MAST4: variants seen among roughly 807,000 people sequenced by gnomAD.
The protein encoded by MAST4 is microtubule associated serine/threonine kinase family member 4, also known as microtubule-associated serine/threonine-protein kinase 4.
A neutral mutation model predicts 162.7 loss-of-function variants in MAST4; 89 were observed. The observed-to-expected ratio is 0.55, with a 90% CI of 0.46 to 0.65. MAST4 has a LOEUF of 0.65. Ranked by LOEUF, MAST4 falls within the 30% of genes least tolerant of loss-of-function variation. MAST4 has a pLI of 0.00. For synonymous variants in MAST4, 1,479 were observed against 1,361.1 expected, an observed-to-expected ratio of 1.09 and a Z score of -1.91; for missense variants, 3,153 against 3,374.0, an observed-to-expected ratio of 0.93 and a Z score of 1.62.
Position 67,133,620 on chromosome 5 carries a change from G to C in MAST4, c.2200G>C (p.Asp734His). 1 of 1,613,308 alleles carries C rather than the reference G, an allele frequency of 6.2e-7. No homozygotes were observed. Among genetic ancestry groups the C allele is most frequent in the Non-Finnish European group, 8.5e-7 (1 of 1,179,424 alleles). The change falls in exon 17 of 29, where the codon GAT (aspartate) becomes CAT (histidine). Residue 734 changes from aspartate (D) to histidine (H), a missense_variant. Around this residue, in one of 7 missense-constraint regions of MAST4, gnomAD observed 131 missense variants for 253.8 expected, o/e 0.52. Transcript: ENST00000403625. The stretch of plus-strand genomic sequence containing the variant: ...CCTTTACGAGGGTCATATTGAGAAG[G>C]ATGCTAGAGAGTTCCTGGATAAACA... ...TNLYEGHIEKDAREFLDKQVC... is the reference protein window; with the variant it reads ...TNLYEGHIEKHAREFLDKQVC...
At chr5:66,648,091 A>T (rs902048031) in intron 1 of MAST4, among the ~76,000 whole-genome samples, 58 of 148,580 alleles carry the variant, frequency 3.9e-4, no homozygotes, top group African/African-American at 6.2e-4. Context: ...TGTGAGAGAG[A>T]GAGAGAGAGA....
chr5:66,948,353 T>C (rs1411739481), intron 4 of MAST4, among the ~76,000 whole-genome samples: 1 of 152,214 alleles, frequency 6.6e-6, no homozygotes, highest in Non-Finnish European at 1.5e-5. Flanking sequence ...CGTTCATATA[T>C]AAAGTCTCTG....
At chr5:66,986,147 A>T (rs1348833824) in intron 4 of MAST4, among the ~76,000 whole-genome samples, 1 of 152,196 alleles carries the variant, frequency 6.6e-6, no homozygotes, top group Non-Finnish European at 1.5e-5. Flanking sequence ...GAAGTTTGAA[A>T]AGTTGTCTAT....
rs1465003384 is a variant in MAST4, at chr5:67,168,617, A to G, written c.*1566A>G. The G allele has an allele frequency of 6.6e-6, 1 of 152,242 alleles. No individual in the cohort carries two copies. The highest frequency in any genetic ancestry group is 1.5e-5 in the Non-Finnish European group (1 of 68,038). 9.4% of individuals were successfully genotyped at this position (152,242 alleles called of 1,614,324 possible). A position where few individuals can be genotyped will look rare whatever the true frequency, so the allele number is the denominator to read the frequency against. ...TAAGAGAAAATACAGATAAGTATTTATAAGTTGCTTGGGAACCATAGCAGA... is the reference window on the plus strand; with the variant it reads ...TAAGAGAAAATACAGATAAGTATTTGTAAGTTGCTTGGGAACCATAGCAGA... On this transcript the variant is annotated 3_prime_UTR_variant, in exon 29 of 29. Transcript: ENST00000403625.
intron 3 of MAST4, among the ~76,000 whole-genome samples, chr5:66,888,597 AATT>A (rs1443500629): frequency 2.0e-5 from 3 of 152,172 alleles, no homozygotes; most frequent in Non-Finnish European, 2.9e-5. Flanking sequence ...AGAACACTTG[AATT>A]ATTATCTGAT....
In MAST4 at chr5:66,700,069, C is replaced by G. The variant is rs1010888649; in HGVS notation, c.364-59640C>G. On this transcript the variant is annotated intron_variant, in intron 1 of 28. Transcript: ENST00000403625. Reference sequence around the variant, plus strand: ...CGACATTTTTGGTGTTGACTGCAGCCCAGTGTCTTCTGCTCTGTGGCTTTG... The same window carrying G: ...CGACATTTTTGGTGTTGACTGCAGCGCAGTGTCTTCTGCTCTGTGGCTTTG... Among the ~76,000 whole-genome samples the G allele has an allele frequency of 2.7e-4, 41 of 152,142 alleles. 1 individual carries two copies. The highest frequency in any genetic ancestry group is 2.4e-3 in the Admixed American group (36 of 15,280).
intron 5 of MAST4, among the ~76,000 whole-genome samples, chr5:67,086,184 A>T (rs1182914195): frequency 6.6e-6 from 1 of 152,228 alleles, no homozygotes; most frequent in Non-Finnish European, 1.5e-5. Context: ...AGCAATTATC[A>T]TTAATTCTTG....
intron 10 of MAST4, 33 bp from the exon 11 acceptor site, chr5:67,110,065 T>C: frequency 6.8e-7 from 1 of 1,470,956 alleles, no homozygotes; most frequent in Non-Finnish European, 9.5e-7. Context: ...GGAACAACTC[T>C]GCATCATCAC....
intron 1 of MAST4, among the ~76,000 whole-genome samples, chr5:66,634,085 G>A (rs72759190): frequency 0.019 from 2,956 of 152,220 alleles, 38 homozygotes; most frequent in Non-Finnish European, 0.031. Context: ...TAGAGACAGA[G>A]TTTCACCATT....
At chr5:67,069,538 A>G (rs1262866486) in intron 5 of MAST4, among the ~76,000 whole-genome samples, 1 of 151,976 alleles carries the variant, frequency 6.6e-6, no homozygotes, top group Non-Finnish European at 1.5e-5. Flanking sequence ...CAACAGACAT[A>G]AGATGTGAGG....
intron 4 of MAST4, among the ~76,000 whole-genome samples, chr5:67,033,661 T>C (rs987169822): frequency 6.6e-6 from 1 of 152,152 alleles, no homozygotes; most frequent in African/African-American, 2.4e-5. Flanking sequence ...TTTCGTTATA[T>C]GATAAGCTGA....
intron 5 of MAST4, among the ~76,000 whole-genome samples, chr5:67,078,054 G>C (rs764080672): frequency 2.0e-5 from 3 of 152,070 alleles, no homozygotes; most frequent in Admixed American, 6.6e-5. Context: ...AGCCAAGATC[G>C]CGCCATTGCA....
chr5:67,084,781 T>C (rs1236563412), intron 5 of MAST4, among the ~76,000 whole-genome samples: 1 of 152,164 alleles, frequency 6.6e-6, no homozygotes, highest in Non-Finnish European at 1.5e-5. Flanking sequence ...ATTTTCCTTC[T>C]CTACAAATAT....
At chr5:67,044,938 C>G (rs1230347785) in intron 4 of MAST4, among the ~76,000 whole-genome samples, 2 of 152,178 alleles carry the variant, frequency 1.3e-5, no homozygotes, top group Non-Finnish European at 2.9e-5. Context: ...ATGTTTCATA[C>G]CATGCATCCA....
intron 1 of MAST4, among the ~76,000 whole-genome samples, chr5:66,643,227 C>T (rs972430706): frequency 2.6e-5 from 4 of 152,070 alleles, no homozygotes; most frequent in African/African-American, 4.8e-5. Flanking sequence ...ATGTCGGGAA[C>T]CATATTTTCT....
intron 26 of MAST4, among the ~76,000 whole-genome samples, chr5:67,154,251 TGTTCA>T (rs1386946682): frequency 6.6e-6 from 1 of 152,232 alleles, no homozygotes; most frequent in Admixed American, 6.5e-5. Context: ...CAGATAGTTC[TGTTCA>T]GTTATTTGAT....
chr5:66,736,037 G>C (rs545631054), intron 1 of MAST4, among the ~76,000 whole-genome samples: 129 of 152,304 alleles, frequency 8.5e-4, no homozygotes, highest in African/African-American at 3.0e-3. Context: ...ATCTGGAGAA[G>C]TTATTTTTCC....
chr5:66,903,986 G>A (rs140378559), intron 4 of MAST4, among the ~76,000 whole-genome samples: 17 of 152,350 alleles, frequency 1.1e-4, no homozygotes, highest in African/African-American at 3.8e-4. Context: ...TTTCAATTCA[G>A]TGTGGAACAC....
At chr5:67,102,696 A>G in intron 9 of MAST4, 85 bp downstream of exon 9, 2 of 1,036,306 alleles carry the variant, frequency 1.9e-6, no homozygotes, top group Admixed American at 3.5e-5. Context: ...TGTTATAGGA[A>G]GTAAGGGTCC....
Sources: allele counts gnomAD v4.1 joint callset (sites outside exome capture counted in the v4.1 genomes callset), GRCh38; gene constraint gnomAD v4.1.1; regional missense constraint gnomAD v4.1.1; transcripts MANE v1.5; gene names NCBI Gene and HGNC (gene_info 2026-07-23, HGNC 2026-07-21).